KATNAL2: variants seen among roughly 807,000 people sequenced by gnomAD.
KATNAL2 encodes katanin p60 ATPase-containing subunit A-like 2.
A neutral mutation model predicts 76.3 loss-of-function variants in KATNAL2; 52 were observed. That is an observed-to-expected ratio of 0.68 (90% confidence interval 0.55 to 0.86). The LOEUF (loss-of-function observed/expected upper bound fraction) is 0.86, where lower values mean the gene tolerates loss of function less well. Among genes scored for constraint, KATNAL2 ranks in the 40% least tolerant of loss-of-function variants. The pLI, the probability that KATNAL2 is intolerant of heterozygous loss-of-function variation, is 0.00. For missense variants in KATNAL2, 660 were observed against 668.9 expected (o/e 0.99, Z 0.15); for synonymous variants, 243 against 244.2 (o/e 1.00, Z 0.05).
chr18:46,946,963 C>T, intron 3 of KATNAL2, 40 bp downstream of exon 3: 3 of 1,269,434 alleles, frequency 2.4e-6, no homozygotes, highest in East Asian at 5.0e-5. Flanking sequence ...TACCAAGAAC[C>T]CCTCTCCTAC....
At chr18:47,062,830 T>C (rs1157965333) in intron 8 of KATNAL2, 142 bp from the exon 9 acceptor site, 3 of 565,376 alleles carry the variant, frequency 5.3e-6, no homozygotes, top group East Asian at 5.6e-5. Flanking sequence ...TTAATACTAG[T>C]GCTGGTTCTT....
At chr18:47,079,561 A>AT (rs1473479985) in intron 15 of KATNAL2, among the ~76,000 whole-genome samples, 4 of 151,572 alleles carry the variant, frequency 2.6e-5, no homozygotes, top group Admixed American at 6.6e-5. Context: ...CGCCCGGCTA[A>AT]TTTTTTTGTA....
intron 15 of KATNAL2, among the ~76,000 whole-genome samples, chr18:47,093,654 T>C (rs1046232221): frequency 2.6e-5 from 4 of 152,032 alleles, no homozygotes; most frequent in African/African-American, 9.7e-5. Context: ...ATGTCCCAAC[T>C]AGCTGGGACT....
In KATNAL2 at chr18:47,075,266, C is replaced by T. The variant is rs764688852; in HGVS notation, c.1009-11C>T. The T allele has an allele frequency of 5.8e-6, 9 of 1,538,628 alleles. No individual in the cohort carries two copies. Among genetic ancestry groups the T allele is most frequent in the Non-Finnish European group, 7.8e-6 (9 of 1,151,422 alleles). On this transcript the variant is annotated splice_polypyrimidine_tract_variant and intron_variant, in intron 13 of 17. Coordinates refer to ENST00000683218, the MANE Select transcript of KATNAL2 (RefSeq NM_001387690.1). ...TAAGCTTGAACACTTGCTTGCTTTT[C>T]CCCCACCCAGGTGTTATTTGAGCTT...
chr18:46,947,001 C>T (rs1006956285), intron 3 of KATNAL2, 78 bp downstream of exon 3: 16 of 1,027,608 alleles, frequency 1.6e-5, no homozygotes, highest in Non-Finnish European at 2.2e-5. Flanking sequence ...TCCGAGTCTC[C>T]GGTTGCTATG....
At position 47,033,385 on chromosome 18, in the gene KATNAL2, C is replaced by A. The variant is rs2060581171; in HGVS notation, c.52-13072C>A. 2 of 1,614,150 alleles carry A rather than the reference C, an allele frequency of 1.2e-6. No homozygotes were observed. Among genetic ancestry groups the A allele is most frequent in the African/African-American group, 1.3e-5 (1 of 75,036 alleles). ...GTTGGGGTTGTTTCCACGTGCAGAT[C>A]GGATATTCGTTGTCATTACTCTCAG... On this transcript the variant is annotated intron_variant, in intron 3 of 17. Transcript: ENST00000683218.
rs112213312 is a variant in KATNAL2, at chr18:46,948,405, C to A, written c.51+1482C>A. ...AGGATAACAGGCATGAACCAACATG[C>A]CTGGCCGACTTCTTCTTCTTCTTTT... On this transcript the variant is annotated intron_variant, in intron 3 of 17. Transcript: ENST00000683218. Among the ~76,000 whole-genome samples, 788 of 151,664 alleles carry A rather than the reference C, an allele frequency of 5.2e-3. 8 individuals carry two copies. Among genetic ancestry groups the A allele is most frequent in the African/African-American group, 0.018 (757 of 41,382 alleles).
Position 47,046,646 on chromosome 18 carries a change from A to G in KATNAL2, c.122+119A>G, listed in dbSNP as rs2061166298. On this transcript the variant is annotated intron_variant, in intron 4 of 17. Transcript: ENST00000683218. ...GTTTAGAGCAATTCTATATTTACAG[A>G]AAAATCGAGCAGAAAGTACAGAGTT... 1.6e-5 allele frequency: 12 copies of G among 760,406 alleles called. No homozygotes were observed. In the East Asian group the frequency reaches 3.2e-4, roughly 20 times the overall value. 47.1% of individuals were successfully genotyped at this position (760,406 alleles called of 1,614,324 possible).
chr18:47,046,963 A>T, intron 4 of KATNAL2, among the ~76,000 whole-genome samples: 1 of 152,074 alleles, frequency 6.6e-6, no homozygotes, highest in East Asian at 1.9e-4. Context: ...CTTTTGAGAC[A>T]GTGTCTCATT....
chr18:47,085,783 CAAAT>C (rs750372693), intron 15 of KATNAL2, among the ~76,000 whole-genome samples: 3 of 151,752 alleles, frequency 2.0e-5, no homozygotes, highest in Non-Finnish European at 2.9e-5. Context: ...TTTTTTATTG[CAAAT>C]AAATAAATAA....
chr18:46,930,944 T>C (rs1396115083), intron 1 of KATNAL2, among the ~76,000 whole-genome samples: 1 of 151,694 alleles, frequency 6.6e-6, no homozygotes, highest in Non-Finnish European at 1.5e-5. Context: ...CTCCTAAAAA[T>C]ACAAACAAAT....
intron 6 of KATNAL2, among the ~76,000 whole-genome samples, chr18:47,057,530 G>T (rs1283529533): frequency 1.3e-5 from 2 of 152,194 alleles, no homozygotes; most frequent in African/African-American, 4.8e-5. Flanking sequence ...CCACCGGCAA[G>T]CTACCTTTGC....
intron 3 of KATNAL2, among the ~76,000 whole-genome samples, chr18:46,948,429 T>C (rs1157325736): frequency 8.0e-5 from 12 of 149,544 alleles, no homozygotes; most frequent in East Asian, 3.9e-4. Flanking sequence ...TCTTCTTCTT[T>C]TTTTTTTTTT....
rs2062287314 is a variant in KATNAL2 at position 47,077,368 on chromosome 18, GC to G, written c.1120del (p.Leu374CysfsTer3). The G allele has an allele frequency of 1.2e-6, 2 of 1,613,672 alleles. No individual in the cohort carries two copies. Among genetic ancestry groups the G allele is most frequent in the Non-Finnish European group, 1.7e-6 (2 of 1,179,626 alleles). ...CTCTGTAGGGGAGAACATGAAGGAA[GC>G]CTGCGGATGAAGACAGAGTTACTGG... ...GTASGGEHEG[S>X]LRMKTELLVQ... On this transcript the variant is annotated frameshift_variant, in exon 15 of 18. Coordinates refer to ENST00000683218, the MANE Select transcript of KATNAL2 (RefSeq NM_001387690.1). LOFTEE classifies it high-confidence loss of function.
At chr18:46,939,555 A>G (rs954540719) in intron 1 of KATNAL2, among the ~76,000 whole-genome samples, 1 of 152,126 alleles carries the variant, frequency 6.6e-6, no homozygotes, top group African/African-American at 2.4e-5. Flanking sequence ...TTTGGGGTGC[A>G]TGTCAACTTT....
intron 4 of KATNAL2, among the ~76,000 whole-genome samples, chr18:47,051,316 A>G (rs559321340): frequency 1.8e-3 from 268 of 152,196 alleles, no homozygotes; most frequent in South Asian, 3.7e-3. Context: ...CTGTAGTCCA[A>G]GCTACTTGAA....
rs1411545472 is a variant in KATNAL2, at chr18:47,052,926, T to C, written c.169T>C (p.Leu57=). 5.0e-6 allele frequency: 8 copies of C among 1,612,396 alleles called. No individual in the cohort carries two copies. The African/African-American group carries it at 1.1e-4, about 22-fold the overall frequency. The change falls in exon 5 of 18, where the codon TTA becomes CTA. Residue 57 remains leucine (L), a synonymous_variant. Coordinates refer to ENST00000683218, the MANE Select transcript of KATNAL2 (RefSeq NM_001387690.1). ...TTTGGAGCAAGAAACTAAACTGGGG[T>C]TACGACGGTTTGAAGTTTGTGACAA... ...NALEQETKLG[L]RRFEVCDNID... is the part of the protein sequence containing the mutation.
At chr18:46,923,558 A>G (rs1482767152) in intron 1 of KATNAL2, among the ~76,000 whole-genome samples, 1 of 152,186 alleles carries the variant, frequency 6.6e-6, no homozygotes, top group African/African-American at 2.4e-5. Flanking sequence ...TCTTTATAGC[A>G]GCATGATTTA....
intron 15 of KATNAL2, among the ~76,000 whole-genome samples, chr18:47,090,696 A>G (rs925370276): frequency 2.6e-5 from 4 of 152,218 alleles, no homozygotes; most frequent in African/African-American, 4.8e-5. Flanking sequence ...GTCTATAAAC[A>G]TGACTCGACT....
Sources: allele counts gnomAD v4.1 joint callset (sites outside exome capture counted in the v4.1 genomes callset), GRCh38; gene constraint gnomAD v4.1.1; transcripts MANE v1.5; gene names NCBI Gene and HGNC (gene_info 2026-07-23, HGNC 2026-07-21).